The following KCNK13 variants were observed in gnomAD, a reference collection of about 807,000 sequenced individuals.
KCNK13 encodes the protein potassium channel subfamily K member 13.
In KCNK13, 12 loss-of-function variants were observed where a neutral mutation model predicts 23.4. That is an observed-to-expected ratio of 0.51 (90% CI 0.33 to 0.83). KCNK13 has a LOEUF of 0.83. Among genes scored for constraint, KCNK13 ranks in the 40% least tolerant of loss-of-function variants. KCNK13 has a pLI of 0.02. For synonymous variants in KCNK13, 231 were observed against 229.5 expected, an observed-to-expected ratio of 1.01 and a Z score of -0.06; for missense variants, 463 against 556.3, an observed-to-expected ratio of 0.83 and a Z score of 1.69.
At chr14:90,117,539 A>G (rs8022581) in intron 1 of KCNK13, among the ~76,000 whole-genome samples, 114,846 of 151,890 alleles carry the variant, frequency 0.76, 43,545 homozygotes, top group Admixed American at 0.8. Flanking sequence ...GCAGTGAACC[A>G]AGATTGCACC....
intron 1 of KCNK13, among the ~76,000 whole-genome samples, chr14:90,130,913 G>A (rs1042502488): frequency 6.6e-6 from 1 of 152,190 alleles, no homozygotes; most frequent in Non-Finnish European, 1.5e-5. Context: ...GGTGGGAACC[G>A]TATCAGCTTT....
Position 90,184,080 on chromosome 14 carries a change from C to T in KCNK13, c.335-31C>T, listed in dbSNP as rs1275408225. On this transcript the variant is annotated intron_variant, in intron 1 of 1. Coordinates refer to ENST00000282146, the MANE Select transcript of KCNK13 (RefSeq NM_022054.4). This position sits in a 1 kb window ranked among gnomAD's most constrained non-coding sequence, Gnocchi z 5.6. ...GACCCCATTCACAGCAAAGATTTCTCTTACTCTTCTCTCATTTTTCTCTCC... is the reference window on the plus strand; with the variant it reads ...GACCCCATTCACAGCAAAGATTTCTTTTACTCTTCTCTCATTTTTCTCTCC... 11 of 1,588,774 alleles carry T rather than the reference C, an allele frequency of 6.9e-6. No individual in the cohort carries two copies. The African/African-American group carries it at 1.3e-4, about 19-fold the overall frequency.
chr14:90,096,123 C>G (rs1016315948), intron 1 of KCNK13, among the ~76,000 whole-genome samples: 1 of 152,180 alleles, frequency 6.6e-6, no homozygotes, highest in African/African-American at 2.4e-5. Flanking sequence ...AATCTGGAAG[C>G]TCTCCAAACC....
intron 1 of KCNK13, among the ~76,000 whole-genome samples, chr14:90,138,082 A>G (rs1429849692): frequency 6.6e-6 from 1 of 152,234 alleles, no homozygotes; most frequent in African/African-American, 2.4e-5. Flanking sequence ...TGTAGGGTCA[A>G]GAACCTGAAA....
At chr14:90,175,383 G>A (rs1890411334) in intron 1 of KCNK13, among the ~76,000 whole-genome samples, 1 of 152,144 alleles carries the variant, frequency 6.6e-6, no homozygotes, top group Admixed American at 6.5e-5. Context: ...CCCAATTTGG[G>A]AAGCAGCCAA....
At chr14:90,100,651 A>G (rs1262420163) in intron 1 of KCNK13, among the ~76,000 whole-genome samples, 1 of 152,158 alleles carries the variant, frequency 6.6e-6, no homozygotes, top group Non-Finnish European at 1.5e-5. Context: ...AATAGTCTGA[A>G]GACCTGCAAC....
At chr14:90,123,411 A>G (rs773224078) in intron 1 of KCNK13, among the ~76,000 whole-genome samples, 4 of 152,054 alleles carry the variant, frequency 2.6e-5, no homozygotes, top group Non-Finnish European at 5.9e-5. Context: ...TCCTTTTCTT[A>G]TAAGGACACC....
chr14:90,098,378 T>C (rs986562816), intron 1 of KCNK13, among the ~76,000 whole-genome samples: 1 of 152,228 alleles, frequency 6.6e-6, no homozygotes, highest in African/African-American at 2.4e-5. Flanking sequence ...TATATAACAA[T>C]ATTAAGCACA....
chr14:90,159,767 C>T (rs1890232105), intron 1 of KCNK13, among the ~76,000 whole-genome samples: 1 of 152,164 alleles, frequency 6.6e-6, no homozygotes, highest in Non-Finnish European at 1.5e-5. Flanking sequence ...AACTGAGACA[C>T]ATAAGAGGTT....
intron 1 of KCNK13, among the ~76,000 whole-genome samples, chr14:90,118,069 T>TG (rs1889697034): frequency 6.6e-6 from 1 of 152,224 alleles, no homozygotes; most frequent in African/African-American, 2.4e-5. Context: ...AGAAGAACAT[T>TG]GGGATAGTTC....
chr14:90,104,602 G>A (rs1178686558), intron 1 of KCNK13, among the ~76,000 whole-genome samples: 1 of 151,920 alleles, frequency 6.6e-6, no homozygotes, highest in East Asian at 1.9e-4. Flanking sequence ...TGCCAGAATT[G>A]TCTCACAAAG....
At chr14:90,082,755 T>G (rs576700785) in intron 1 of KCNK13, among the ~76,000 whole-genome samples, 70 of 152,382 alleles carry the variant, frequency 4.6e-4, no homozygotes, top group African/African-American at 1.5e-3. Context: ...TAAAAACGTA[T>G]GTCCACAGAA....
chr14:90,109,033 C>T (rs1420064756), intron 1 of KCNK13, among the ~76,000 whole-genome samples: 5 of 152,044 alleles, frequency 3.3e-5, no homozygotes, highest in Non-Finnish European at 5.9e-5. Context: ...AAATATTAGC[C>T]GGGCATGGTG....
In KCNK13 at chr14:90,113,479, T is replaced by G. The variant is rs759683443; in HGVS notation, c.334+50940T>G. 7.9e-4 allele frequency among the ~76,000 whole-genome samples: 120 copies of G among 152,314 alleles called. 3 individuals are homozygous for G. The highest frequency in any genetic ancestry group is 9.1e-4 in the African/African-American group (38 of 41,578). ...AAATGAAACCTGATGACTGAATCAA[T>G]GCACCATCTTCAATTGGATCCTGGA... On this transcript the variant is annotated intron_variant, in intron 1 of 1. Transcript: ENST00000282146.
At chr14:90,153,552 T>C (rs1004524312) in intron 1 of KCNK13, among the ~76,000 whole-genome samples, 1 of 152,250 alleles carries the variant, frequency 6.6e-6, no homozygotes, top group African/African-American at 2.4e-5. Context: ...ATTTTCACTA[T>C]TGCACTTGCA....
intron 1 of KCNK13, among the ~76,000 whole-genome samples, chr14:90,132,377 C>G (rs1161221019): frequency 6.6e-6 from 1 of 152,088 alleles, no homozygotes; most frequent in Non-Finnish European, 1.5e-5. Context: ...AACCCCGTCT[C>G]TACTAAAAAT....
intron 1 of KCNK13, chr14:90,107,652 CA>C (rs1889562556): frequency 1.5e-6 from 1 of 662,042 alleles, no homozygotes; most frequent in Non-Finnish European, 2.8e-6. Context: ...GGATTCTTCC[CA>C]GGGGGACCGC....
rs187827285 is a variant in KCNK13 at position 90,118,150 on chromosome 14, G to T, written c.334+55611G>T. On this transcript the variant is annotated intron_variant, in intron 1 of 1. Coordinates refer to ENST00000282146, the MANE Select transcript of KCNK13 (RefSeq NM_022054.4). The stretch of plus-strand genomic sequence containing the variant: ...TGGGCTGGTAGCTGAGTCATTGTAC[G>T]TAAAGGTAGAGTAAATGCAGTGAAG... Among the ~76,000 whole-genome samples, 11 of 152,308 alleles carry T rather than the reference G, an allele frequency of 7.2e-5. 1 individual carries two copies. In the East Asian group the frequency reaches 1.5e-3, roughly 21 times the overall value.
chr14:90,084,040 G>A (rs761210995), intron 1 of KCNK13, among the ~76,000 whole-genome samples: 2 of 152,170 alleles, frequency 1.3e-5, no homozygotes, highest in Non-Finnish European at 2.9e-5. Flanking sequence ...CTATCTGTCT[G>A]TCCTTATTCT....
Sources: gnomAD v4.1 joint callset for allele counts (sites outside exome capture counted in the v4.1 genomes callset) on GRCh38, gnomAD v4.1.1 for gene constraint, Gnocchi (gnomAD v3.1) non-coding constraint, MANE v1.5 for transcripts, NCBI Gene and HGNC (gene_info 2026-07-23, HGNC 2026-07-21) for gene names.